Variants in DMXL2 observed in about 807,000 individuals in gnomAD.
DMXL2 encodes the protein Dmx like 2.
In DMXL2, 103 loss-of-function variants were observed where a neutral mutation model predicts 331.1. That is an observed-to-expected ratio of 0.31 (90% confidence interval 0.27 to 0.37). The LOEUF (loss-of-function observed/expected upper bound fraction) is 0.37, where lower values mean the gene tolerates loss of function less well. Ranked by LOEUF, DMXL2 falls within the 10% of genes least tolerant of loss-of-function variation. DMXL2 has a pLI of 1.00. For synonymous variants in DMXL2, 1,281 were observed against 1,252.1 expected (o/e 1.02, Z -0.49); for missense variants, 3,171 against 3,642.9 (o/e 0.87, Z 3.33).
chr15:51,494,198 G>C (rs1751700862), intron 19 of DMXL2, among the ~76,000 whole-genome samples: 1 of 152,136 alleles, frequency 6.6e-6, no homozygotes, highest in South Asian at 2.1e-4. Context: ...CAAAGGATTG[G>C]GCAGATGAAA....
Position 51,486,186 on chromosome 15 carries a change from CT to C in DMXL2, c.5368del (p.Arg1790AspfsTer15). ...QKDGSGFSCK[R>X]LHPDPFLRSL... The stretch of plus-strand genomic sequence containing the variant: ...ACGCAGGAAAGGATCAGGATGTAAT[CT>C]TTTGCAACTGAATCCTGAGCCATCC... On this transcript the variant is annotated frameshift_variant, in exon 23 of 44. Coordinates refer to ENST00000560891, the MANE Select transcript of DMXL2 (RefSeq NM_001378457.1). LOFTEE classifies it high-confidence loss of function. 2 of 1,614,034 alleles carry C rather than the reference CT, an allele frequency of 1.2e-6. No homozygotes were observed. The highest frequency in any genetic ancestry group is 1.7e-6 in the Non-Finnish European group (2 of 1,179,966).
chr15:51,508,893 T>C (rs527576844), intron 15 of DMXL2, among the ~76,000 whole-genome samples: 108 of 152,248 alleles, frequency 7.1e-4, no homozygotes, highest in African/African-American at 2.5e-3. Context: ...AATTTTTCAA[T>C]CCCTAATGAA....
intron 7 of DMXL2, among the ~76,000 whole-genome samples, chr15:51,546,438 T>A (rs1467285904): frequency 6.6e-6 from 1 of 152,076 alleles, no homozygotes; most frequent in Non-Finnish European, 1.5e-5. Context: ...ATTTCCCACA[T>A]TATCATTTAC....
intron 13 of DMXL2, among the ~76,000 whole-genome samples, chr15:51,531,709 A>C (rs1388898042): frequency 6.6e-6 from 1 of 152,226 alleles, no homozygotes; most frequent in Non-Finnish European, 1.5e-5. Flanking sequence ...AAAATGGGCA[A>C]AACATTTGAA....
Position 51,507,232 on chromosome 15 carries a change from G to A in DMXL2, c.2666C>T (p.Ser889Leu), listed in dbSNP as rs866500667. Residue 889 changes from serine (S) to leucine (L), a missense_variant, in exon 16 of 44, where the codon TCA becomes TTA. Transcript: ENST00000560891. The stretch of plus-strand genomic sequence containing the variant: ...AATTACTACTAGAAAGAACTTTTCT[G>A]AAAATGGTGGTGGGCGGTATCCTAT... ...PSQGYRPPPF[S>L]EKFFLVVIEK... 6.2e-7 allele frequency: 1 copy of A among 1,610,448 alleles called. No individual in the cohort carries two copies. The highest frequency in any genetic ancestry group is 8.5e-7 in the Non-Finnish European group (1 of 1,178,314).
At chr15:51,471,985 A>C (rs1362288021) in intron 28 of DMXL2, among the ~76,000 whole-genome samples, 1 of 152,208 alleles carries the variant, frequency 6.6e-6, no homozygotes, top group Non-Finnish European at 1.5e-5. Flanking sequence ...ACACCTCTTA[A>C]GTTTTAGTCA....
rs1045415667 is a variant in DMXL2, at chr15:51,478,329, G to A, written c.6775C>T (p.Leu2259=). 1 of 1,613,194 alleles carries A rather than the reference G, an allele frequency of 6.2e-7. No individual in the cohort carries two copies. Among genetic ancestry groups the A allele is most frequent in the Non-Finnish European group, 8.5e-7 (1 of 1,179,412 alleles). The change falls in exon 26 of 44, where the codon CTA becomes TTA. Residue 2259 remains leucine, a synonymous_variant. Coordinates refer to ENST00000560891, the MANE Select transcript of DMXL2 (RefSeq NM_001378457.1). ...ATTGATGCAGAAAGTGATGCTGCTA[G>A]TGAATGAAGTGTGTGCACCTAAAAC... ...EDVKVHTLHS[L]AASLSASIYQ...
At chr15:51,541,639 AAC>A (rs1477058902) in intron 9 of DMXL2, among the ~76,000 whole-genome samples, 2 of 152,190 alleles carry the variant, frequency 1.3e-5, no homozygotes, top group East Asian at 3.8e-4. Context: ...ACTCTGAAGC[AAC>A]AGACCTCCAG....
At chr15:51,580,891 T>G (rs1189741382) in intron 1 of DMXL2, among the ~76,000 whole-genome samples, 1 of 152,212 alleles carries the variant, frequency 6.6e-6, no homozygotes, top group Non-Finnish European at 1.5e-5. Context: ...AAGTATTCTC[T>G]GCTTTGAACA....
chr15:51,502,752 T>C (rs1340813287), intron 17 of DMXL2, 54 bp downstream of exon 17: 2 of 1,157,118 alleles, frequency 1.7e-6, no homozygotes, highest in East Asian at 2.3e-5. Context: ...CACTAAAGAG[T>C]TCATATATTT....
chr15:51,448,811 T>C lies in DMXL2; in HGVS notation c.*173A>G. Reference sequence around the variant, plus strand: ...TTTTTAGTATGTCAGCATAATAAGGTACATGCGCATTCATTCCACCAACCT... The same window carrying C: ...TTTTTAGTATGTCAGCATAATAAGGCACATGCGCATTCATTCCACCAACCT... On this transcript the variant is annotated 3_prime_UTR_variant, in exon 44 of 44. Transcript: ENST00000560891. 1 of 646,028 alleles carries C rather than the reference T, an allele frequency of 1.5e-6. No individual in the cohort carries two copies. Among genetic ancestry groups the C allele is most frequent in the Non-Finnish European group, 2.7e-6 (1 of 376,448 alleles). 40.0% of individuals were successfully genotyped at this position (646,028 alleles called of 1,614,324 possible).
At chr15:51,503,874 C>T (rs1484889567) in intron 16 of DMXL2, among the ~76,000 whole-genome samples, 1 of 152,008 alleles carries the variant, frequency 6.6e-6, no homozygotes, top group Admixed American at 6.5e-5. Flanking sequence ...AAAAAAATTA[C>T]TTTGCAGACA....
intron 9 of DMXL2, among the ~76,000 whole-genome samples, chr15:51,539,101 T>C (rs553669605): frequency 4.6e-5 from 7 of 151,790 alleles, no homozygotes; most frequent in East Asian, 1.9e-4. Flanking sequence ...TCCCATCTAC[T>C]TGGGAGGCTT....
intron 36 of DMXL2, 27 bp downstream of exon 36, chr15:51,458,479 A>G (rs1289018884): frequency 5.0e-6 from 8 of 1,606,512 alleles, no homozygotes; most frequent in African/African-American, 1.3e-5. Context: ...ACAGAAAACT[A>G]TATGTAAAAG....
chr15:51,496,897 T>G lies in DMXL2; in HGVS notation c.4672+1655A>C, dbSNP rs537025746. On this transcript the variant is annotated intron_variant, in intron 18 of 43. Coordinates refer to ENST00000560891, the MANE Select transcript of DMXL2 (RefSeq NM_001378457.1). ...AACTCATTTAATCTCTGAGCTTCAG[T>G]TTCCCACCTGTGAAATGGAGACATT... Among the ~76,000 whole-genome samples the G allele has an allele frequency of 7.2e-5, 11 of 152,344 alleles. No individual in the cohort carries two copies. The South Asian group carries it at 2.1e-3, about 29-fold the overall frequency.
chr15:51,525,162 C>T (rs2047599014), intron 13 of DMXL2, among the ~76,000 whole-genome samples: 1 of 151,966 alleles, frequency 6.6e-6, no homozygotes, highest in East Asian at 2.0e-4. Flanking sequence ...AAGGAATCCA[C>T]TGCCATGAGG....
At position 51,501,849 on chromosome 15, in the gene DMXL2, G is replaced by C. The variant is rs146129987; in HGVS notation, c.2992+957C>G. Among the ~76,000 whole-genome samples the C allele has an allele frequency of 7.3e-3, 1,100 of 151,156 alleles. 16 individuals carry two copies. The highest frequency in any genetic ancestry group is 0.026 in the African/African-American group (1,049 of 41,082). ...GCAGGAGAATGGCATGAACCTGGGA[G>C]GCGAAGCTTGCAGTGAGCCAAGATA... On this transcript the variant is annotated intron_variant, in intron 17 of 43. Coordinates refer to ENST00000560891, the MANE Select transcript of DMXL2 (RefSeq NM_001378457.1).
At chr15:51,456,919 C>T (rs1207211002) in intron 37 of DMXL2, among the ~76,000 whole-genome samples, 3 of 152,156 alleles carry the variant, frequency 2.0e-5, no homozygotes, top group African/African-American at 7.2e-5. Context: ...TGCCTGTAAT[C>T]CTAGCACCTT....
rs762316218 is a variant in DMXL2, at chr15:51,471,413, T to C, written c.7214-12A>G. The C allele has an allele frequency of 1.5e-5, 23 of 1,560,974 alleles. No individual in the cohort carries two copies. Among genetic ancestry groups the C allele is most frequent in the South Asian group, 3.6e-5 (3 of 82,876 alleles). On this transcript the variant is annotated splice_polypyrimidine_tract_variant and intron_variant, in intron 28 of 43. Coordinates refer to ENST00000560891, the MANE Select transcript of DMXL2 (RefSeq NM_001378457.1). ...AAGGACAGGAGGTGCTAAATGAAGA[T>C]AGAAGGAAAAAAAAATCTAGCATTC... is the stretch of plus-strand genomic sequence containing the variant.
Sources: allele counts gnomAD v4.1 joint callset (sites outside exome capture counted in the v4.1 genomes callset), GRCh38; gene constraint gnomAD v4.1.1; transcripts MANE v1.5; gene names NCBI Gene and HGNC (gene_info 2026-07-23, HGNC 2026-07-21).